The following ACYP2 variants were observed in gnomAD, a reference collection of about 807,000 sequenced individuals.
ACYP2 encodes acylphosphatase-2.
ACYP2 carries 12 observed loss-of-function variants against 11.2 expected under a neutral mutation model. The observed-to-expected ratio is 1.08, with a 90% CI of 0.69 to 1.74. ACYP2 has a LOEUF of 1.74. ACYP2 is among the 40% of genes most tolerant of loss of function. ACYP2 has a pLI of 0.00. For missense variants in ACYP2, 134 were observed against 101.9 expected, an observed-to-expected ratio of 1.31 and a Z score of -1.35; for synonymous variants, 43 against 32.2, an observed-to-expected ratio of 1.33 and a Z score of -1.13.
intron 4 of ACYP2, among the ~76,000 whole-genome samples, chr2:54,059,496 G>A (rs1411806324): frequency 6.6e-6 from 1 of 152,190 alleles, no homozygotes; most frequent in Non-Finnish European, 1.5e-5. Context: ...ACAGGTGTCA[G>A]CCACCATGCA....
chr2:54,276,358 C>T (rs114773280), intron 6 of ACYP2, among the ~76,000 whole-genome samples: 377 of 152,178 alleles, frequency 2.5e-3, no homozygotes, highest in Non-Finnish European at 4.3e-3. Flanking sequence ...ATCCTACATA[C>T]ATTAGTCTAA....
At chr2:53,975,599 A>T (rs150084627) in intron 2 of ACYP2, among the ~76,000 whole-genome samples, 1,796 of 152,222 alleles carry the variant, frequency 0.012, 24 homozygotes, top group Non-Finnish European at 0.019. Flanking sequence ...TTGGAGAGAC[A>T]AGGCAGGCGG....
At chr2:54,260,768 A>G (rs1687742844) in intron 6 of ACYP2, among the ~76,000 whole-genome samples, 1 of 152,190 alleles carries the variant, frequency 6.6e-6, no homozygotes, top group African/African-American at 2.4e-5. Flanking sequence ...GGGTAAGGTC[A>G]TTGCAGGGGA....
chr2:54,083,621 T>C (rs1677787308), intron 4 of ACYP2, among the ~76,000 whole-genome samples: 1 of 152,196 alleles, frequency 6.6e-6, no homozygotes. Context: ...TGATGGAGAA[T>C]GACTCTCTAC....
chr2:54,085,178 G>A (rs988599205), intron 4 of ACYP2: 4 of 152,320 alleles, frequency 2.6e-5, no homozygotes, highest in Non-Finnish European at 4.4e-5. Flanking sequence ...AGAGTTGCAC[G>A]TTCTCCTCAC....
At chr2:54,006,561 T>A (rs1000151697) in intron 2 of ACYP2, among the ~76,000 whole-genome samples, 2 of 152,222 alleles carry the variant, frequency 1.3e-5, no homozygotes, top group African/African-American at 4.8e-5. Context: ...AGTGCTGAGA[T>A]TACAAGTGTG....
intron 6 of ACYP2, among the ~76,000 whole-genome samples, chr2:54,191,331 A>C (rs1026449392): frequency 6.6e-6 from 1 of 152,116 alleles, no homozygotes; most frequent in Non-Finnish European, 1.5e-5. Context: ...CCTGTACTCC[A>C]GCCATGCTGG....
At chr2:54,027,670 T>C (rs1674360361) in intron 2 of ACYP2, among the ~76,000 whole-genome samples, 1 of 152,112 alleles carries the variant, frequency 6.6e-6, no homozygotes, top group African/African-American at 2.4e-5. Flanking sequence ...CTTCTCTACA[T>C]CTTGGTATAT....
chr2:54,286,964 C>T (rs992424193), intron 6 of ACYP2, among the ~76,000 whole-genome samples: 1 of 152,032 alleles, frequency 6.6e-6, no homozygotes, highest in Non-Finnish European at 1.5e-5. Context: ...AAAGAGTATA[C>T]TATCACATAA....
At chr2:53,976,160 G>C (rs1234575227) in intron 2 of ACYP2, among the ~76,000 whole-genome samples, 2 of 152,178 alleles carry the variant, frequency 1.3e-5, no homozygotes, top group African/African-American at 4.8e-5. Flanking sequence ...TGATATACTT[G>C]GGGCTAGAGA....
In ACYP2 at chr2:54,289,431, C is replaced by T. The variant is rs181490168; in HGVS notation, c.405-15257C>T. Reference sequence around the variant, plus strand: ...CCAATTTTAGTTTTCAAAATCTAGGCAGAAACACCTTTATTGGGATTTAGC... The same window carrying T: ...CCAATTTTAGTTTTCAAAATCTAGGTAGAAACACCTTTATTGGGATTTAGC... On this transcript the variant is annotated intron_variant, in intron 6 of 6. Transcript: ENST00000607452. Among the ~76,000 whole-genome samples, 210 of 152,130 alleles carry T rather than the reference C, an allele frequency of 1.4e-3. 1 individual carries two copies. Among genetic ancestry groups the T allele is most frequent in the Non-Finnish European group, 2.0e-3 (139 of 68,016 alleles).
intron 2 of ACYP2, among the ~76,000 whole-genome samples, chr2:54,021,574 T>C (rs988222930): frequency 6.6e-6 from 1 of 152,230 alleles, no homozygotes; most frequent in African/African-American, 2.4e-5. Flanking sequence ...ATAACTACAC[T>C]AATTTTATTA....
chr2:54,051,666 A>G, intron 3 of ACYP2: 1 of 711,476 alleles, frequency 1.4e-6, no homozygotes, highest in Non-Finnish European at 2.6e-6. Context: ...AAGGAAAAAT[A>G]TGAAAGGATA....
Position 53,973,855 on chromosome 2 carries a change from A to ATGTG in ACYP2, c.62+89_62+92dup, listed in dbSNP as rs573137716. The ATGTG allele has an allele frequency of 5.8e-3, 721 of 124,384 alleles. 15 individuals carry two copies. Among genetic ancestry groups the ATGTG allele is most frequent in the Admixed American group, 0.012 (102 of 8,620 alleles). 7.7% of individuals were successfully genotyped at this position (124,384 alleles called of 1,614,324 possible). On this transcript the variant is annotated intron_variant, in intron 2 of 6. Coordinates refer to ENST00000607452, the MANE Select transcript of ACYP2 (RefSeq NM_001320586.2). ...GGATTTTTGAATGTGGGATATATAT[A>ATGTG]TGTGTGTGTGTGTGTGTGTGTGTGT... is the stretch of plus-strand genomic sequence containing the variant.
intron 6 of ACYP2, among the ~76,000 whole-genome samples, chr2:54,268,429 T>G (rs1023184054): frequency 6.6e-6 from 1 of 152,120 alleles, no homozygotes; most frequent in Non-Finnish European, 1.5e-5. Flanking sequence ...CAAGGTGTCT[T>G]TTAAAAGGCA....
At chr2:54,125,814 G>A (rs1437145149) in intron 4 of ACYP2, among the ~76,000 whole-genome samples, 1 of 151,956 alleles carries the variant, frequency 6.6e-6, no homozygotes, top group Non-Finnish European at 1.5e-5. Flanking sequence ...GGGCACAGTG[G>A]CTCACGCCTG....
intron 4 of ACYP2, chr2:54,123,415 G>A: frequency 2.5e-6 from 1 of 398,596 alleles, no homozygotes; most frequent in Non-Finnish European, 4.4e-6. Flanking sequence ...ATAGAGGTAG[G>A]AAGGACTACA....
At chr2:54,302,988 G>A (rs528313265) in intron 6 of ACYP2, among the ~76,000 whole-genome samples, 1 of 152,196 alleles carries the variant, frequency 6.6e-6, no homozygotes, top group East Asian at 1.9e-4. Flanking sequence ...GGCAATAATA[G>A]CCTATGACTT....
chr2:54,057,416 C>G (rs1676213177), intron 4 of ACYP2: 1 of 395,002 alleles, frequency 2.5e-6, no homozygotes, highest in Non-Finnish European at 4.5e-6. Flanking sequence ...TACAGTTCAT[C>G]AGAACATTTT....
Sources: gnomAD v4.1 joint callset for allele counts (sites outside exome capture counted in the v4.1 genomes callset) on GRCh38, gnomAD v4.1.1 for gene constraint, MANE v1.5 for transcripts, NCBI Gene and HGNC (gene_info 2026-07-23, HGNC 2026-07-21) for gene names.